The following CCNC variants were observed in gnomAD, a reference collection of about 807,000 sequenced individuals.
The protein encoded by CCNC is cyclin-C.
Under a neutral mutation model 50.0 loss-of-function variants are expected in CCNC, and 19 were observed. The ratio of observed to expected loss-of-function variants is 0.38; its 90% CI spans 0.27 to 0.56. The LOEUF is 0.56. Among genes scored for constraint, CCNC ranks in the 20% least tolerant of loss-of-function variants. The probability of loss-of-function intolerance (pLI) is 0.72; values close to 1 mark genes in which losing one functional copy is unlikely to be tolerated. For missense variants in CCNC, 200 were observed against 327.1 expected, an observed-to-expected ratio of 0.61 and a Z score of 3.00; for synonymous variants, 93 against 103.7, an observed-to-expected ratio of 0.90 and a Z score of 0.63.
intron 1 of CCNC, chr6:99,566,943 T>C (rs1401842797): frequency 2.2e-6 from 1 of 454,374 alleles, no homozygotes; most frequent in Non-Finnish European, 4.4e-6. Flanking sequence ...TTTTCCAGAA[T>C]TGTCTTGTCT....
Position 99,551,880 on chromosome 6 carries a change from G to T in CCNC, c.362C>A (p.Ser121Ter). The change falls in exon 6 of 12, where the codon TCA becomes TAA. Residue 121 changes from serine to a stop codon, truncating the protein, a stop_gained. Transcript: ENST00000520429. LOFTEE classifies it high-confidence loss of function. ...AGGAAATTCCTTTGGAAAGGCATAT[G>T]AAAATCTAGTTTTTACTGCAGAAAA... ...AATSVLKTRF[S>*]YAFPKEFPYR... 2 of 1,426,616 alleles carry T rather than the reference G, an allele frequency of 1.4e-6. No individual in the cohort carries two copies. The highest frequency in any genetic ancestry group is 1.4e-5 in the South Asian group (1 of 73,160). 88.4% of individuals were successfully genotyped at this position (1,426,616 alleles called of 1,614,324 possible).
At chr6:99,555,853 T>G (rs979481639) in intron 5 of CCNC, among the ~76,000 whole-genome samples, 1 of 152,216 alleles carries the variant, frequency 6.6e-6, no homozygotes, top group Non-Finnish European at 1.5e-5. Context: ...TTAAATTTAA[T>G]TCTTTTCAGA....
intron 4 of CCNC, among the ~76,000 whole-genome samples, chr6:99,560,213 C>T (rs182791): frequency 0.86 from 130,167 of 152,200 alleles, 56,364 homozygotes; most frequent in East Asian, 0.99. Flanking sequence ...GCTTAAGAGA[C>T]TTTAAATTAT....
At chr6:99,568,408 TG>T in intron 1 of CCNC, 87 bp downstream of exon 1, 2 of 1,315,766 alleles carry the variant, frequency 1.5e-6, no homozygotes, top group Non-Finnish European at 2.2e-6. Flanking sequence ...GGAACTGAGC[TG>T]GGATCCAGGC....
chr6:99,562,994 A>C, intron 1 of CCNC, 46 bp from the exon 2 acceptor site: 2 of 1,199,708 alleles, frequency 1.7e-6, no homozygotes, highest in Non-Finnish European at 2.4e-6. Context: ...GGTCAGAGGA[A>C]ACACTCTAAG....
Position 99,561,636 on chromosome 6 carries a change from A to G in CCNC, c.185T>C (p.Ile62Thr), listed in dbSNP as rs761299038. 1.2e-6 allele frequency: 2 copies of G among 1,611,186 alleles called. No homozygotes were observed. The highest frequency in any genetic ancestry group is 1.7e-5 in the Admixed American group (1 of 59,904). Residue 62 changes from isoleucine (I) to threonine (T), a missense_variant, in exon 3 of 12, where the codon ATT becomes ACT. By Grantham distance (89) the Ile-to-Thr change is moderately conservative. Coordinates refer to ENST00000520429, the MANE Select transcript of CCNC (RefSeq NM_005190.4). Reference sequence around the variant, plus strand: ...CTTGAAATATACCGTAGCAGTGGCAATAACTTGTTGTCTTAATTTAAGATG... The same window carrying G: ...CTTGAAATATACCGTAGCAGTGGCAGTAACTTGTTGTCTTAATTTAAGATG... ...GEHLKLRQQV[I>T]ATATVYFKRF...
In CCNC at chr6:99,562,841, C is replaced by T; in HGVS notation, c.139+1G>A. On this transcript the variant is annotated splice_donor_variant, in intron 2 of 11. Coordinates refer to ENST00000520429, the MANE Select transcript of CCNC (RefSeq NM_005190.4). LOFTEE classifies it high-confidence loss of function. ...TTGAACCAATTTTTAAAAAAGTTTA[C>T]CATTTGTAAAAAATATTTGTAACTT... 6.5e-7 allele frequency: 1 copy of T among 1,530,918 alleles called. No homozygotes were observed. Among genetic ancestry groups the T allele is most frequent in the Non-Finnish European group, 8.9e-7 (1 of 1,118,134 alleles). The allele number at this position is 1,530,918 out of a possible 1,614,324, so 94.8% of individuals were successfully genotyped here.
intron 10 of CCNC, among the ~76,000 whole-genome samples, chr6:99,546,158 G>A (rs1583567865): frequency 6.6e-6 from 1 of 152,038 alleles, no homozygotes; most frequent in Non-Finnish European, 1.5e-5. Context: ...TAGAGACGGG[G>A]TTTCACCATA....
At chr6:99,558,392 C>A (rs1184918718) in intron 5 of CCNC, 105 bp downstream of exon 5, 5 of 1,496,828 alleles carry the variant, frequency 3.3e-6, no homozygotes, top group South Asian at 2.7e-5. Flanking sequence ...TTTAATAAAG[C>A]CAACCAATCT....
intron 1 of CCNC, among the ~76,000 whole-genome samples, chr6:99,565,444 T>A (rs1769084280): frequency 6.6e-6 from 1 of 152,094 alleles, no homozygotes; most frequent in South Asian, 2.1e-4. Context: ...TTGCATTTTA[T>A]AACTGGTCAC....
At chr6:99,548,222 T>C (rs1802148703) in intron 9 of CCNC, among the ~76,000 whole-genome samples, 1 of 152,016 alleles carries the variant, frequency 6.6e-6, no homozygotes, top group Non-Finnish European at 1.5e-5. Flanking sequence ...TCAGTTAAAG[T>C]ACCCAAGAAG....
intron 4 of CCNC, among the ~76,000 whole-genome samples, chr6:99,559,043 A>T (rs1802663459): frequency 6.6e-6 from 1 of 152,166 alleles, no homozygotes; most frequent in Admixed American, 6.5e-5. Context: ...GTTTCCAAGA[A>T]GATTGTTTAC....
In CCNC at chr6:99,552,932, C is replaced by A. The variant is rs535251361; in HGVS notation, c.347-1037G>T. The stretch of plus-strand genomic sequence containing the variant: ...TGGCATGCACCTGTAGTCCCGGCTA[C>A]TCGGGAGGCCGAGGCAGGAGAATCC... On this transcript the variant is annotated intron_variant, in intron 5 of 11. Coordinates refer to ENST00000520429, the MANE Select transcript of CCNC (RefSeq NM_005190.4). Among the ~76,000 whole-genome samples, 15 of 152,146 alleles carry A rather than the reference C, an allele frequency of 9.9e-5. No homozygotes were observed. The East Asian group carries it at 2.9e-3, about 29-fold the overall frequency.
chr6:99,561,671 T>G lies in CCNC; in HGVS notation c.150A>C (p.Ala50=). 2 of 1,601,392 alleles carry G rather than the reference T, an allele frequency of 1.2e-6. No homozygotes were observed. The highest frequency in any genetic ancestry group is 1.7e-6 in the Non-Finnish European group (2 of 1,169,226). The change falls in exon 3 of 12, where the codon GCA becomes GCC. Residue 50 remains alanine, a synonymous_variant. Transcript: ENST00000520429. ...GTCTTAATTTAAGATGTTCACCTAA[T>G]GCTTGGATAACTAAAAGGCAAATAA... ...LQIFFTNVIQ[A]LGEHLKLRQQ...
chr6:99,546,626 A>C, intron 9 of CCNC, 152 bp from the exon 10 acceptor site: 4 of 562,970 alleles, frequency 7.1e-6, no homozygotes, highest in Non-Finnish European at 6.4e-6. Context: ...TGACCATCTC[A>C]TCAATGTAAT....
intron 1 of CCNC, among the ~76,000 whole-genome samples, chr6:99,563,371 A>G (rs1203289502): frequency 6.6e-6 from 1 of 152,210 alleles, no homozygotes; most frequent in Admixed American, 6.6e-5. Flanking sequence ...ATGGGTAACT[A>G]TGGCATTTAA....
rs180805431 is a variant in CCNC at position 99,543,747 on chromosome 6, G to A, written c.798-138C>T. 2,416 of 1,431,102 alleles carry A rather than the reference G, an allele frequency of 1.7e-3. 6 individuals carry two copies. Among genetic ancestry groups the A allele is most frequent in the Non-Finnish European group, 2.0e-3 (2,225 of 1,091,004 alleles). The allele number at this position is 1,431,102 out of a possible 1,614,324, so 88.7% of individuals were successfully genotyped here. A position where few individuals can be genotyped will look rare whatever the true frequency, so the allele number is the denominator to read the frequency against. Reference sequence around the variant, plus strand: ...AAAGACATTCCTCATTATAAGACACGTGAAAAATTAAAATCCAGAAGACTA... The same window carrying A: ...AAAGACATTCCTCATTATAAGACACATGAAAAATTAAAATCCAGAAGACTA... On this transcript the variant is annotated intron_variant, in intron 11 of 11. Transcript: ENST00000520429.
intron 1 of CCNC, among the ~76,000 whole-genome samples, chr6:99,566,694 C>G (rs1014417300): frequency 3.9e-5 from 6 of 152,070 alleles, no homozygotes; most frequent in Non-Finnish European, 8.8e-5. Flanking sequence ...CCTCACAGAA[C>G]TCTGTATGGA....
At position 99,551,037 on chromosome 6, in the gene CCNC, A is replaced by G; in HGVS notation, c.403-9T>C. On this transcript the variant is annotated splice_polypyrimidine_tract_variant and intron_variant, in intron 6 of 11. Transcript: ENST00000520429. Reference sequence around the variant, plus strand: ...AATTCACATTCTAATATCTGTTTAAAACAAAGATTATCAATGAAATGTCAA... The same window carrying G: ...AATTCACATTCTAATATCTGTTTAAGACAAAGATTATCAATGAAATGTCAA... The G allele has an allele frequency of 9.1e-7, 1 of 1,096,450 alleles. No individual in the cohort carries two copies. The highest frequency in any genetic ancestry group is 1.3e-6 in the Non-Finnish European group (1 of 799,332). 67.9% of individuals were successfully genotyped at this position (1,096,450 alleles called of 1,614,324 possible). A position where few individuals can be genotyped will look rare whatever the true frequency, so the allele number is the denominator to read the frequency against.
Sources: gnomAD v4.1 joint callset for allele counts (sites outside exome capture counted in the v4.1 genomes callset) on GRCh38, gnomAD v4.1.1 for gene constraint, MANE v1.5 for transcripts, NCBI Gene and HGNC (gene_info 2026-07-23, HGNC 2026-07-21) for gene names.